PAQR5: variants seen among roughly 807,000 people sequenced by gnomAD.
The protein encoded by PAQR5 is membrane progestin receptor gamma.
Under a neutral mutation model 34.5 loss-of-function variants are expected in PAQR5, and 20 were observed. That is an observed-to-expected ratio of 0.58 (90% CI 0.41 to 0.84). The LOEUF is 0.84. Ranked by LOEUF, PAQR5 falls within the 40% of genes least tolerant of loss-of-function variation. The probability of loss-of-function intolerance (pLI) is 0.00; values close to 1 mark genes in which losing one functional copy is unlikely to be tolerated. For missense variants in PAQR5, 378 were observed against 412.7 expected (o/e 0.92, Z 0.73); for synonymous variants, 131 against 155.6 (o/e 0.84, Z 1.18).
At chr15:69,382,478 C>T (rs932167641) in intron 4 of PAQR5, among the ~76,000 whole-genome samples, 2 of 151,582 alleles carry the variant, frequency 1.3e-5, no homozygotes, top group African/African-American at 2.4e-5. Context: ...AACGCTGTCT[C>T]TACTAAAAAT....
intron 2 of PAQR5, among the ~76,000 whole-genome samples, chr15:69,357,967 G>A (rs1457105207): frequency 6.6e-6 from 1 of 152,190 alleles, no homozygotes. Context: ...GGAGTTAGCT[G>A]TGACTGTAGG....
intron 1 of PAQR5, among the ~76,000 whole-genome samples, chr15:69,327,923 C>T (rs1350643127): frequency 2.0e-5 from 3 of 152,032 alleles, no homozygotes; most frequent in Admixed American, 6.6e-5. Flanking sequence ...GGATTACAGG[C>T]TCCTGCCACC....
chr15:69,299,210 G>A (rs1203911257), intron 1 of PAQR5, among the ~76,000 whole-genome samples, 154 bp downstream of exon 1: 4 of 152,156 alleles, frequency 2.6e-5, no homozygotes, highest in African/African-American at 9.6e-5. Flanking sequence ...AGTTTGTGCC[G>A]GGGCGGCCCT....
chr15:69,313,521 CAAATAAAT>C (rs963617204), intron 1 of PAQR5, among the ~76,000 whole-genome samples: 33 of 151,776 alleles, frequency 2.2e-4, no homozygotes, highest in African/African-American at 6.3e-4. Context: ...CAACAACAAC[CAAATAAAT>C]AAATAAATAA....
intron 3 of PAQR5, among the ~76,000 whole-genome samples, chr15:69,367,005 G>A (rs1381515968): frequency 6.6e-6 from 1 of 151,832 alleles, no homozygotes; most frequent in African/African-American, 2.4e-5. Flanking sequence ...TCTAGCTTTT[G>A]TTATCATTTG....
intron 6 of PAQR5, among the ~76,000 whole-genome samples, chr15:69,394,291 G>T (rs1199419258): frequency 6.6e-6 from 1 of 152,106 alleles, no homozygotes; most frequent in Non-Finnish European, 1.5e-5. Flanking sequence ...AGCGCTGGAG[G>T]TAGAAGGCTC....
intron 1 of PAQR5, among the ~76,000 whole-genome samples, chr15:69,300,359 G>A (rs2053505830): frequency 1.3e-5 from 2 of 152,106 alleles, no homozygotes; most frequent in African/African-American, 4.8e-5. Context: ...AAGGTGCTCT[G>A]CGAGAATGGA....
At chr15:69,334,212 T>G (rs1252329657) in intron 1 of PAQR5, among the ~76,000 whole-genome samples, 1 of 152,050 alleles carries the variant, frequency 6.6e-6, no homozygotes. Context: ...GTATTTTTAG[T>G]AGAGATGGGG....
chr15:69,334,534 G>T lies in PAQR5; in HGVS notation c.-276-2807G>T, dbSNP rs536180849. On this transcript the variant is annotated intron_variant, in intron 1 of 8. Transcript: ENST00000395407. ...TGGGGACATGTGGAGAGCCATGCCC[G>T]CCAGCTATGCTAAGAGTCAGACCTT... Among the ~76,000 whole-genome samples the T allele has an allele frequency of 3.0e-4, 45 of 152,256 alleles. 1 individual carries two copies. Among genetic ancestry groups the T allele is most frequent in the Admixed American group, 7.2e-4 (11 of 15,296 alleles).
Position 69,385,625 on chromosome 15 carries a change from G to T in PAQR5, c.385+743G>T, listed in dbSNP as rs557832349. On this transcript the variant is annotated intron_variant, in intron 5 of 8. Transcript: ENST00000395407. The surrounding 1 kb of genome is among the most constrained non-coding windows in gnomAD (Gnocchi z 4.7). ...CATGCATCTATCCCTAAGGATATGA[G>T]TTCTAGATTCTTCCTCCAGGTCCCA... Among the ~76,000 whole-genome samples, 1 of 152,086 alleles carries T rather than the reference G, an allele frequency of 6.6e-6. No homozygotes were observed. Among genetic ancestry groups the T allele is most frequent in the Non-Finnish European group, 1.5e-5 (1 of 68,004 alleles).
At chr15:69,351,267 G>A (rs1193842385) in intron 2 of PAQR5, among the ~76,000 whole-genome samples, 1 of 152,262 alleles carries the variant, frequency 6.6e-6, no homozygotes, top group Admixed American at 6.5e-5. Context: ...AGACACAGGG[G>A]TGGAGATTCC....
In PAQR5 at chr15:69,403,973, G is replaced by T. The variant is rs3743096; in HGVS notation, c.*151G>T. The T allele has an allele frequency of 0.043, 35,565 of 819,048 alleles. 2,089 individuals carry two copies. The highest frequency in any genetic ancestry group is 0.19 in the East Asian group (7,247 of 38,034). The allele number at this position is 819,048 out of a possible 1,614,324, so 50.7% of individuals were successfully genotyped here. The stretch of plus-strand genomic sequence containing the variant: ...GAATTCATGTCAAAAATGTTATTCA[G>T]CTGGGGAAATTTCTCTAAATGTACA... On this transcript the variant is annotated 3_prime_UTR_variant, in exon 9 of 9. Coordinates refer to ENST00000395407, the MANE Select transcript of PAQR5 (RefSeq NM_017705.4).
intron 3 of PAQR5, among the ~76,000 whole-genome samples, chr15:69,365,643 T>C (rs536174376): frequency 1.3e-5 from 2 of 152,338 alleles, no homozygotes; most frequent in South Asian, 4.2e-4. Context: ...TGGCCTATAA[T>C]GTTTTCTTCT....
intron 1 of PAQR5, among the ~76,000 whole-genome samples, chr15:69,313,127 T>C (rs540135642): frequency 6.6e-6 from 1 of 152,308 alleles, no homozygotes; most frequent in Non-Finnish European, 1.5e-5. Context: ...CTTTGTTGTA[T>C]GTGTTTTACC....
chr15:69,323,316 A>G (rs192395670), intron 1 of PAQR5, among the ~76,000 whole-genome samples: 1 of 152,318 alleles, frequency 6.6e-6, no homozygotes, highest in African/African-American at 2.4e-5. Context: ...GAGTGCTCCC[A>G]CCAGCCTCCA....
At chr15:69,321,370 ATACTCT>A (rs771430844) in intron 1 of PAQR5, among the ~76,000 whole-genome samples, 17 of 152,194 alleles carry the variant, frequency 1.1e-4, no homozygotes, top group Non-Finnish European at 2.4e-4. Context: ...TTTTTTATCT[ATACTCT>A]TACCCAGTCC....
At chr15:69,373,826 A>G (rs1189232483) in intron 3 of PAQR5, among the ~76,000 whole-genome samples, 1 of 151,798 alleles carries the variant, frequency 6.6e-6, no homozygotes, top group Non-Finnish European at 1.5e-5. Flanking sequence ...CTGGTCTCGA[A>G]CTCCTGACCT....
intron 5 of PAQR5, among the ~76,000 whole-genome samples, chr15:69,387,948 A>G (rs1295812698): frequency 6.6e-6 from 1 of 150,790 alleles, no homozygotes; most frequent in Non-Finnish European, 1.5e-5. Flanking sequence ...CCTGCCAGCC[A>G]TGCTGGCACA....
intron 1 of PAQR5, 79 bp downstream of exon 1, chr15:69,299,135 C>G (rs985878587): frequency 5.9e-5 from 9 of 152,170 alleles, no homozygotes; most frequent in Non-Finnish European, 1.5e-5. Context: ...CGCGGCAGCC[C>G]CAGCCGCCCT....
Sources: gnomAD v4.1 joint callset for allele counts (sites outside exome capture counted in the v4.1 genomes callset) on GRCh38, gnomAD v4.1.1 for gene constraint, Gnocchi (gnomAD v3.1) non-coding constraint, MANE v1.5 for transcripts, NCBI Gene and HGNC (gene_info 2026-07-23, HGNC 2026-07-21) for gene names.